Variants in SPAG16 observed in about 807,000 individuals in gnomAD.
SPAG16 encodes the protein sperm associated antigen 16, also known as sperm-associated antigen 16 protein.
SPAG16 carries 86 observed loss-of-function variants against 80.4 expected under a neutral mutation model. That is an observed-to-expected ratio of 1.07 (90% CI 0.90 to 1.28). The LOEUF (loss-of-function observed/expected upper bound fraction) is 1.28, where lower values mean the gene tolerates loss of function less well. SPAG16 is among the 50% of genes most tolerant of loss of function. The pLI is 0.00. For synonymous variants in SPAG16, 294 were observed against 265.9 expected, an observed-to-expected ratio of 1.11 and a Z score of -1.03; for missense variants, 870 against 765.3, an observed-to-expected ratio of 1.14 and a Z score of -1.61.
chr2:214,177,916 C>CATAT (rs10622953), intron 15 of SPAG16, among the ~76,000 whole-genome samples: 11,573 of 91,872 alleles, frequency 0.13, 1,664 homozygotes, highest in African/African-American at 0.3. Flanking sequence ...TATATATATA[C>CATAT]ATATATATAT....
chr2:213,556,986 G>A (rs2059446295), intron 10 of SPAG16, among the ~76,000 whole-genome samples: 1 of 152,070 alleles, frequency 6.6e-6, no homozygotes, highest in South Asian at 2.1e-4. Flanking sequence ...TATATCAAAA[G>A]TCAAGAAAGT....
chr2:213,460,970 A>G (rs2072325307), intron 9 of SPAG16, among the ~76,000 whole-genome samples: 1 of 152,318 alleles, frequency 6.6e-6, no homozygotes, highest in African/African-American at 2.4e-5. Flanking sequence ...TATAAAAAAT[A>G]TAAATTATAA....
rs138391236 is a variant in SPAG16 at position 213,320,375 on chromosome 2, C to T, written c.536+3019C>T. Among the ~76,000 whole-genome samples the T allele has an allele frequency of 4.8e-4, 73 of 151,942 alleles. No individual in the cohort carries two copies. In the East Asian group the frequency reaches 0.013, roughly 28 times the overall value. On this transcript the variant is annotated intron_variant, in intron 5 of 15. Transcript: ENST00000331683. Reference sequence around the variant, plus strand: ...ATCAAATCAGAGTATTTAGGGTATCCATCACCTCAAACATTTATGATTTTT... The same window carrying T: ...ATCAAATCAGAGTATTTAGGGTATCTATCACCTCAAACATTTATGATTTTT...
At chr2:213,626,523 A>T (rs1329193240) in intron 10 of SPAG16, among the ~76,000 whole-genome samples, 3 of 152,150 alleles carry the variant, frequency 2.0e-5, no homozygotes, top group Admixed American at 6.5e-5. Flanking sequence ...TGAACTCAAC[A>T]TCTGTTTACA....
At chr2:213,888,114 A>C (rs2076635652) in intron 11 of SPAG16, among the ~76,000 whole-genome samples, 1 of 151,944 alleles carries the variant, frequency 6.6e-6, no homozygotes, top group Non-Finnish European at 1.5e-5. Context: ...AGAACTGTGG[A>C]TGCTTTGAAT....
At chr2:213,785,516 T>C (rs2070281382) in intron 10 of SPAG16, among the ~76,000 whole-genome samples, 2 of 152,176 alleles carry the variant, frequency 1.3e-5, no homozygotes, top group Non-Finnish European at 2.9e-5. Flanking sequence ...TCACATACAT[T>C]GGAATATTAT....
rs2066835186 is a variant in SPAG16, at chr2:213,375,360, C to G, written c.942+241C>G. 5 of 329,944 alleles carry G rather than the reference C, an allele frequency of 1.5e-5. No individual in the cohort carries two copies. In the Admixed American group the frequency reaches 1.9e-4, roughly 13 times the overall value. 20.4% of individuals were successfully genotyped at this position (329,944 alleles called of 1,614,324 possible). ...TGGATCACTCTGCCACCTATCCCAACATAATCATGATCATGTCTGCTCACC... is the reference window on the plus strand; with the variant it reads ...TGGATCACTCTGCCACCTATCCCAAGATAATCATGATCATGTCTGCTCACC... On this transcript the variant is annotated intron_variant, in intron 9 of 15. Transcript: ENST00000331683.
At chr2:214,142,269 T>C (rs547818824) in intron 14 of SPAG16, among the ~76,000 whole-genome samples, 2 of 152,356 alleles carry the variant, frequency 1.3e-5, no homozygotes, top group South Asian at 4.1e-4. Flanking sequence ...ATTTCTTTTT[T>C]ATTTAATGAG....
At chr2:214,311,767 T>C (rs1174242433) in intron 15 of SPAG16, 2 of 152,084 alleles carry the variant, frequency 1.3e-5, no homozygotes, top group African/African-American at 2.4e-5. Flanking sequence ...GTCAACTGTC[T>C]GGGGAAAAAA....
intron 9 of SPAG16, among the ~76,000 whole-genome samples, chr2:213,405,412 T>C (rs1007648206): frequency 2.0e-5 from 3 of 152,228 alleles, no homozygotes; most frequent in African/African-American, 4.8e-5. Context: ...ATACAATGTG[T>C]AATGATCAAA....
In SPAG16 at chr2:213,578,883, T is replaced by C. The variant is rs552084092; in HGVS notation, c.1070+88793T>C. Among the ~76,000 whole-genome samples the C allele has an allele frequency of 3.9e-5, 6 of 152,236 alleles. 1 individual carries two copies. In the South Asian group the frequency reaches 1.2e-3, roughly 32 times the overall value. On this transcript the variant is annotated intron_variant, in intron 10 of 15. Coordinates refer to ENST00000331683, the MANE Select transcript of SPAG16 (RefSeq NM_024532.5). Reference sequence around the variant, plus strand: ...CCAGAGTTTCATGCCATTCCTTTTGTAAGAACTGTTAATATAGCTAAGGAA... The same window carrying C: ...CCAGAGTTTCATGCCATTCCTTTTGCAAGAACTGTTAATATAGCTAAGGAA...
intron 10 of SPAG16, among the ~76,000 whole-genome samples, chr2:213,737,581 A>G (rs1485019125): frequency 6.8e-5 from 10 of 147,342 alleles, no homozygotes; most frequent in Non-Finnish European, 1.3e-4. Flanking sequence ...TCCGCCTCCC[A>G]GGTTCACGCC....
intron 15 of SPAG16, among the ~76,000 whole-genome samples, chr2:214,248,252 T>G (rs1230221590): frequency 6.6e-6 from 1 of 150,510 alleles, no homozygotes; most frequent in East Asian, 1.9e-4. Flanking sequence ...CAGAAATATT[T>G]ACTGAATACC....
At chr2:213,875,857 G>T (rs568839406) in intron 11 of SPAG16, among the ~76,000 whole-genome samples, 42 of 151,936 alleles carry the variant, frequency 2.8e-4, no homozygotes, top group Non-Finnish European at 5.1e-4. Context: ...TTTCCTTCAC[G>T]TATTTGATGT....
intron 15 of SPAG16, among the ~76,000 whole-genome samples, chr2:214,264,793 T>C (rs797003093): frequency 3.5e-4 from 54 of 152,250 alleles, no homozygotes; most frequent in African/African-American, 1.2e-3. Context: ...TCTTCCTTCC[T>C]CCTAAACTCT....
At chr2:214,080,574 C>T (rs2051329566) in intron 13 of SPAG16, among the ~76,000 whole-genome samples, 2 of 146,720 alleles carry the variant, frequency 1.4e-5, no homozygotes, top group Non-Finnish European at 3.0e-5. Flanking sequence ...CGCCTCTGCA[C>T]TCCAGCCTGG....
chr2:213,667,713 A>C (rs931411442), intron 10 of SPAG16, among the ~76,000 whole-genome samples: 4 of 152,020 alleles, frequency 2.6e-5, no homozygotes, highest in Non-Finnish European at 5.9e-5. Context: ...AGAGAGAAAT[A>C]AACATATTTA....
intron 7 of SPAG16, among the ~76,000 whole-genome samples, chr2:213,356,545 A>G (rs1049220584): frequency 1.3e-5 from 2 of 152,160 alleles, no homozygotes; most frequent in African/African-American, 2.4e-5. Context: ...AGAGGTGTTT[A>G]TAGTATTCTC....
chr2:214,044,261 A>G (rs949961602), intron 13 of SPAG16, among the ~76,000 whole-genome samples: 3 of 152,226 alleles, frequency 2.0e-5, no homozygotes. Flanking sequence ...TACTCTAAGT[A>G]ATACATTTTC....
Sources: gnomAD v4.1 joint callset for allele counts (sites outside exome capture counted in the v4.1 genomes callset) on GRCh38, gnomAD v4.1.1 for gene constraint, MANE v1.5 for transcripts, NCBI Gene and HGNC (gene_info 2026-07-23, HGNC 2026-07-21) for gene names.